Variants in PTPRN2 observed in about 807,000 individuals in gnomAD.
PTPRN2 encodes receptor-type tyrosine-protein phosphatase N2.
Under a neutral mutation model 118.8 loss-of-function variants are expected in PTPRN2, and 74 were observed. The observed-to-expected ratio is 0.62, with a 90% CI of 0.52 to 0.76. The LOEUF is 0.76. Among genes scored for constraint, PTPRN2 ranks in the 30% least tolerant of loss-of-function variants. The pLI, the probability that PTPRN2 is intolerant of heterozygous loss-of-function variation, is 0.00. For missense variants in PTPRN2, 1,481 were observed against 1,394.4 expected (o/e 1.06, Z -0.99); for synonymous variants, 641 against 608.0 (o/e 1.05, Z -0.80).
chr7:158,045,078 C>T (rs1808745578), intron 11 of PTPRN2, among the ~76,000 whole-genome samples: 2 of 152,182 alleles, frequency 1.3e-5, no homozygotes, highest in South Asian at 4.1e-4. Flanking sequence ...GCTGAACTTA[C>T]ACATATGCAT....
rs1267232903 is a variant in PTPRN2 at position 158,110,946 on chromosome 7, C to G, written c.1557-31G>C. The G allele has an allele frequency of 2.0e-6, 3 of 1,525,820 alleles. No individual in the cohort carries two copies. In the Admixed American group the frequency reaches 5.9e-5, roughly 30 times the overall value. 94.5% of individuals were successfully genotyped at this position (1,525,820 alleles called of 1,614,324 possible). A position where few individuals can be genotyped will look rare whatever the true frequency, so the allele number is the denominator to read the frequency against. On this transcript the variant is annotated intron_variant, in intron 9 of 22. Coordinates refer to ENST00000389418, the MANE Select transcript of PTPRN2 (RefSeq NM_002847.5). ...GATGACAGCAGGGATGGGGAGCAGTCACCACAGAGCCAGCAGTCCTGGAGA... is the reference window on the plus strand; with the variant it reads ...GATGACAGCAGGGATGGGGAGCAGTGACCACAGAGCCAGCAGTCCTGGAGA...
rs1444441772 is a variant in PTPRN2 at position 158,015,457 on chromosome 7, G to A, written c.1723+65841C>T. ...GAAAAAGTGAGAGGAGGGGTGGTGA[G>A]AGAGAGAGAGAGAGGAAGAGAGGGA... On this transcript the variant is annotated intron_variant, in intron 11 of 22. Transcript: ENST00000389418. This position sits in a 1 kb window ranked among gnomAD's most constrained non-coding sequence, Gnocchi z 4.2. 1.3e-5 allele frequency among the ~76,000 whole-genome samples: 2 copies of A among 149,140 alleles called. No individual in the cohort carries two copies. The highest frequency in any genetic ancestry group is 1.3e-4 in the Admixed American group (2 of 14,930).
rs1042972958 is a variant in PTPRN2, at chr7:157,868,173, A to G, written c.1788+30500T>C. Among the ~76,000 whole-genome samples the G allele has an allele frequency of 2.6e-5, 4 of 152,340 alleles. No homozygotes were observed. Among genetic ancestry groups the G allele is most frequent in the African/African-American group, 9.6e-5 (4 of 41,582 alleles). On this transcript the variant is annotated intron_variant, in intron 12 of 22. Coordinates refer to ENST00000389418, the MANE Select transcript of PTPRN2 (RefSeq NM_002847.5). The surrounding 1 kb of genome is among the most constrained non-coding windows in gnomAD (Gnocchi z 5.2). ...ACACAGTTATCCTAAGGCCAGGCAC[A>G]GGAAGGGTTCCTTTCCCGATGGCTC... is the stretch of plus-strand genomic sequence containing the variant.
chr7:158,274,229 AGGAGCCACAGACACG>A (rs1448266033), intron 3 of PTPRN2, among the ~76,000 whole-genome samples: 7 of 118,014 alleles, frequency 5.9e-5, no homozygotes, highest in African/African-American at 1.0e-4. Context: ...CAGACATGGG[AGGAGCCACAGACACG>A]GGAGCCGCAG....
At chr7:158,394,555 C>T (rs562998425) in intron 2 of PTPRN2, among the ~76,000 whole-genome samples, 1 of 152,322 alleles carries the variant, frequency 6.6e-6, no homozygotes, top group East Asian at 1.9e-4. Flanking sequence ...TCCCTGAGCA[C>T]CCCCTTCAGA....
At chr7:158,223,477 G>T (rs1272888380) in intron 3 of PTPRN2, among the ~76,000 whole-genome samples, 1 of 151,994 alleles carries the variant, frequency 6.6e-6, no homozygotes. Context: ...ACATCATGAG[G>T]TTTATTCCAG....
Position 157,784,154 on chromosome 7 carries a change from G to C in PTPRN2, c.1789-101217C>G, listed in dbSNP as rs527581541. ...TTCCTAAATTCTGCTTGTGGGCAGGGCACAGGCAGCTCAACGTTAGGCCAG... is the reference window on the plus strand; with the variant it reads ...TTCCTAAATTCTGCTTGTGGGCAGGCCACAGGCAGCTCAACGTTAGGCCAG... On this transcript the variant is annotated intron_variant, in intron 12 of 22. Transcript: ENST00000389418. The surrounding 1 kb of genome is among the most constrained non-coding windows in gnomAD (Gnocchi z 4.6). Among the ~76,000 whole-genome samples, 56 of 152,218 alleles carry C rather than the reference G, an allele frequency of 3.7e-4. 1 individual carries two copies. The South Asian group carries it at 0.011, about 31-fold the overall frequency.
At chr7:158,142,348 C>T (rs1819467759) in intron 6 of PTPRN2, among the ~76,000 whole-genome samples, 1 of 152,246 alleles carries the variant, frequency 6.6e-6, no homozygotes, top group African/African-American at 2.4e-5. Context: ...GACGACCCTG[C>T]CTTGCCCTCG....
intron 2 of PTPRN2, among the ~76,000 whole-genome samples, chr7:158,345,562 T>A (rs1807448826): frequency 6.6e-6 from 1 of 152,224 alleles, no homozygotes. Context: ...AGCTACAAGC[T>A]GGGGCCAAAG....
chr7:157,852,818 A>G (rs949684134), intron 12 of PTPRN2, among the ~76,000 whole-genome samples: 4 of 150,696 alleles, frequency 2.7e-5, no homozygotes, highest in Non-Finnish European at 5.9e-5. Flanking sequence ...GCAGTGAGCC[A>G]AGATCGCACC....
chr7:158,487,098 G>A (rs1821088039), intron 2 of PTPRN2, among the ~76,000 whole-genome samples: 1 of 152,206 alleles, frequency 6.6e-6, no homozygotes, highest in Non-Finnish European at 1.5e-5. Flanking sequence ...TTCAGCGAGT[G>A]TCAGCACTCA....
chr7:158,519,655 T>C (rs979747980), intron 1 of PTPRN2, among the ~76,000 whole-genome samples: 18 of 152,134 alleles, frequency 1.2e-4, no homozygotes, highest in Non-Finnish European at 2.2e-4. Flanking sequence ...CTCAAGAATC[T>C]AGTGGCCATA....
At chr7:157,781,864 A>G (rs1276380139) in intron 12 of PTPRN2, among the ~76,000 whole-genome samples, 1 of 152,176 alleles carries the variant, frequency 6.6e-6, no homozygotes, top group Non-Finnish European at 1.5e-5. Context: ...CACCCCACTG[A>G]CTTTGGCAGC....
At chr7:158,405,021 G>A (rs186480373) in intron 2 of PTPRN2, among the ~76,000 whole-genome samples, 3 of 125,956 alleles carry the variant, frequency 2.4e-5, no homozygotes, top group Non-Finnish European at 3.3e-5. Flanking sequence ...TCAGCTCCCC[G>A]GCCCCAGCTC....
At chr7:158,422,445 G>A (rs1188968146) in intron 2 of PTPRN2, among the ~76,000 whole-genome samples, 1 of 152,194 alleles carries the variant, frequency 6.6e-6, no homozygotes, top group Non-Finnish European at 1.5e-5. Context: ...AACTCTGAAT[G>A]CTGCCAGATT....
At chr7:158,104,534 G>A (rs1252959187) in intron 10 of PTPRN2, among the ~76,000 whole-genome samples, 1 of 152,058 alleles carries the variant, frequency 6.6e-6, no homozygotes, top group African/African-American at 2.4e-5. Context: ...AGAACAGAAG[G>A]GAGAAAAGAG....
At chr7:158,515,171 C>A (rs968278297) in intron 1 of PTPRN2, among the ~76,000 whole-genome samples, 2 of 151,500 alleles carry the variant, frequency 1.3e-5, no homozygotes, top group African/African-American at 2.4e-5. Flanking sequence ...GCTGGTGTTT[C>A]CCTCTCAGTG....
At chr7:158,116,397 G>A (rs1816731111) in intron 9 of PTPRN2, among the ~76,000 whole-genome samples, 1 of 152,166 alleles carries the variant, frequency 6.6e-6, no homozygotes, top group African/African-American at 2.4e-5. Flanking sequence ...CCTAATGAAG[G>A]CCTCCGACTT....
At chr7:157,814,955 G>A (rs1352150435) in intron 12 of PTPRN2, among the ~76,000 whole-genome samples, 1 of 152,186 alleles carries the variant, frequency 6.6e-6, no homozygotes, top group Non-Finnish European at 1.5e-5. Flanking sequence ...AAGCTACGTG[G>A]TCACCCGTGC....
Sources: allele counts gnomAD v4.1 joint callset (sites outside exome capture counted in the v4.1 genomes callset), GRCh38; gene constraint gnomAD v4.1.1; non-coding constraint Gnocchi (gnomAD v3.1); transcripts MANE v1.5; gene names NCBI Gene and HGNC (gene_info 2026-07-23, HGNC 2026-07-21).